PHF24: variants seen among roughly 807,000 people sequenced by gnomAD.
The protein encoded by PHF24 is Galpha inhibitory interacting protein.
Under a neutral mutation model 42.6 loss-of-function variants are expected in PHF24, and 25 were observed. The ratio of observed to expected loss-of-function variants is 0.59; its 90% CI spans 0.43 to 0.82. The LOEUF (loss-of-function observed/expected upper bound fraction) is 0.82, where lower values mean the gene tolerates loss of function less well. PHF24 is among the 40% of genes least tolerant of loss of function. The pLI, the probability that PHF24 is intolerant of heterozygous loss-of-function variation, is 0.00. For synonymous variants in PHF24, 185 were observed against 204.8 expected (o/e 0.90, Z 0.83); for missense variants, 470 against 538.1 (o/e 0.87, Z 1.25).
At chr9:34,975,156 C>T (rs1563935595) in intron 3 of PHF24, among the ~76,000 whole-genome samples, 1 of 152,104 alleles carries the variant, frequency 6.6e-6, no homozygotes, top group Non-Finnish European at 1.5e-5. Flanking sequence ...AGAATAAAGG[C>T]CTAATTTGAG....
the PHF24 span, among the ~76,000 whole-genome samples, chr9:34,717,175 A>G: frequency 2.8e-3 from 420 of 152,300 alleles, 9 homozygotes; most frequent in Non-Finnish European, 2.2e-3. Context: ...GTCTGGGTAC[A>G]GTTGTTCCCA....
chr9:34,668,765 T>C, the PHF24 span, among the ~76,000 whole-genome samples: 1 of 152,222 alleles, frequency 6.6e-6, no homozygotes, highest in African/African-American at 2.4e-5. Flanking sequence ...AAAACAGTTG[T>C]GCTGAATTTC....
At chr9:34,844,447 TTG>T in the PHF24 span, among the ~76,000 whole-genome samples, 790 of 152,212 alleles carry the variant, frequency 5.2e-3, 5 homozygotes, top group Non-Finnish European at 8.4e-3. Context: ...CCTCTCAGAA[TTG>T]TTTTTCCTGC....
the PHF24 span, among the ~76,000 whole-genome samples, chr9:34,859,279 C>T: frequency 1.3e-5 from 2 of 152,252 alleles, no homozygotes; most frequent in South Asian, 2.1e-4. Context: ...TTAGGTGACT[C>T]GGAGACCAGT....
the PHF24 span, among the ~76,000 whole-genome samples, chr9:34,732,317 C>G: frequency 6.6e-6 from 1 of 152,138 alleles, no homozygotes; most frequent in Non-Finnish European, 1.5e-5. Context: ...GAGATGATAT[C>G]TCAGTGTAGT....
upstream of PHF24, among the ~76,000 whole-genome samples, chr9:34,953,242 C>T (rs921364688): frequency 6.6e-6 from 1 of 152,230 alleles, no homozygotes; most frequent in Non-Finnish European, 1.5e-5. This position sits in a 1 kb window ranked among gnomAD's most constrained non-coding sequence, Gnocchi z 4.1. Flanking sequence ...CCTCGAACTC[C>T]TGAGCTCAAA....
At chr9:34,957,900 C>G (rs967488103), upstream of PHF24, among the ~76,000 whole-genome samples, 4 of 151,924 alleles carry the variant, frequency 2.6e-5, no homozygotes, top group African/African-American at 7.2e-5. Context: ...CCCTCCGGGC[C>G]GCCTCCTCCG....
the PHF24 span, chr9:34,691,195 G>C: frequency 6.5e-7 from 1 of 1,548,128 alleles, no homozygotes; most frequent in Non-Finnish European, 8.9e-7. Flanking sequence ...CTGTCTGGGT[G>C]TGTGCAGGAT....
the PHF24 span, among the ~76,000 whole-genome samples, chr9:34,895,959 T>C: frequency 6.6e-6 from 1 of 152,200 alleles, no homozygotes; most frequent in Admixed American, 6.5e-5. Flanking sequence ...GTGCTCTGTA[T>C]GGGCTACAGA....
chr9:34,784,821 C>T, the PHF24 span, among the ~76,000 whole-genome samples: 201 of 152,216 alleles, frequency 1.3e-3, no homozygotes, highest in Non-Finnish European at 2.1e-3. Context: ...TGTAGACATA[C>T]GAGAATACTA....
chr9:34,743,684 G>A, the PHF24 span, among the ~76,000 whole-genome samples: 118,805 of 152,128 alleles, frequency 0.78, 47,046 homozygotes, highest in East Asian at 0.95. Flanking sequence ...TTACATTCCC[G>A]TGTGGGTCCT....
the PHF24 span, among the ~76,000 whole-genome samples, chr9:34,917,023 G>A: frequency 6.6e-6 from 1 of 152,198 alleles, no homozygotes; most frequent in Non-Finnish European, 1.5e-5. Flanking sequence ...ATATTCAAAA[G>A]TGTGAACACA....
the PHF24 span, among the ~76,000 whole-genome samples, chr9:34,862,885 G>C: frequency 6.6e-6 from 1 of 151,928 alleles, no homozygotes; most frequent in Non-Finnish European, 1.5e-5. Flanking sequence ...TGGCATTTCT[G>C]GACCTGCCCT....
chr9:34,976,330 G>A (rs1827183271), intron 4 of PHF24, 100 bp downstream of exon 4: 3 of 1,122,236 alleles, frequency 2.7e-6, no homozygotes, highest in South Asian at 2.5e-5. Context: ...ATATTTAGTG[G>A]GTAGAGGGTA....
At chr9:34,967,941 C>T (rs1370441255) in intron 1 of PHF24, among the ~76,000 whole-genome samples, 1 of 150,170 alleles carries the variant, frequency 6.7e-6, no homozygotes, top group African/African-American at 2.5e-5. Context: ...CAACCAGCAA[C>T]AGGTTCTGAA....
chr9:34,933,975 C>T, the PHF24 span, among the ~76,000 whole-genome samples: 1 of 151,856 alleles, frequency 6.6e-6, no homozygotes, highest in South Asian at 2.1e-4. Flanking sequence ...AAATTCCTGA[C>T]CTCAAGTGAT....
the PHF24 span, chr9:34,690,990 C>T: frequency 9.5e-7 from 1 of 1,057,226 alleles, no homozygotes; most frequent in Non-Finnish European, 1.4e-6. Context: ...TGCCTGAACT[C>T]ACCATGTCCC....
the PHF24 span, among the ~76,000 whole-genome samples, chr9:34,677,605 A>G: frequency 2.6e-5 from 4 of 151,900 alleles, no homozygotes; most frequent in African/African-American, 9.7e-5. Context: ...ACCGTGTTAG[A>G]AAGAGGATGT....
At chr9:34,909,624 CT>C in the PHF24 span, among the ~76,000 whole-genome samples, 3,214 of 144,040 alleles carry the variant, frequency 0.022, 36 homozygotes, top group Admixed American at 0.036. Context: ...AGAAGAAATC[CT>C]TTTTTTTTTT....
Sources: allele counts gnomAD v4.1 joint callset (sites outside exome capture counted in the v4.1 genomes callset), GRCh38; gene constraint gnomAD v4.1.1; non-coding constraint Gnocchi (gnomAD v3.1); transcripts MANE v1.5; gene names NCBI Gene and HGNC (gene_info 2026-07-23, HGNC 2026-07-21).